Variants in SLC15A1 observed in about 807,000 individuals in gnomAD.
SLC15A1 encodes the protein solute carrier family 15 member 1.
In SLC15A1, 83 loss-of-function variants were observed where a neutral mutation model predicts 92.9. That is an observed-to-expected ratio of 0.89 (90% CI 0.75 to 1.07). SLC15A1 has a LOEUF of 1.07. SLC15A1 is among the 50% of genes least tolerant of loss of function. The pLI is 0.00. For synonymous variants in SLC15A1, 322 were observed against 318.2 expected, an observed-to-expected ratio of 1.01 and a Z score of -0.13; for missense variants, 857 against 880.1, an observed-to-expected ratio of 0.97 and a Z score of 0.33.
At chr13:98,692,936 G>T (rs1288814688) in intron 18 of SLC15A1, among the ~76,000 whole-genome samples, 3 of 151,710 alleles carry the variant, frequency 2.0e-5, no homozygotes, top group African/African-American at 7.3e-5. Flanking sequence ...ACAGGGTTTT[G>T]CCATATTGCT....
intron 1 of SLC15A1, among the ~76,000 whole-genome samples, chr13:98,742,324 C>T (rs192491306): frequency 6.6e-6 from 1 of 152,326 alleles, no homozygotes; most frequent in East Asian, 1.9e-4. Context: ...CTTTTCCCGC[C>T]TACATGGGTC....
chr13:98,692,920 G>A (rs1431852631), intron 18 of SLC15A1, among the ~76,000 whole-genome samples: 1 of 151,218 alleles, frequency 6.6e-6, no homozygotes, highest in East Asian at 2.0e-4. Context: ...GTCTTTTTTT[G>A]TAGGGACAGG....
chr13:98,707,001 C>G (rs2088117847), intron 15 of SLC15A1, among the ~76,000 whole-genome samples: 1 of 152,166 alleles, frequency 6.6e-6, no homozygotes, highest in African/African-American at 2.4e-5. Flanking sequence ...AAGCCCAGTC[C>G]CCAGCCCTAG....
At chr13:98,727,768 C>T (rs2088314658) in intron 1 of SLC15A1, among the ~76,000 whole-genome samples, 1 of 152,224 alleles carries the variant, frequency 6.6e-6, no homozygotes, top group Non-Finnish European at 1.5e-5. Context: ...CCGTGTCTAT[C>T]ACATACTACC....
At chr13:98,747,781 TGA>T (rs895330565) in intron 1 of SLC15A1, among the ~76,000 whole-genome samples, 3 of 152,116 alleles carry the variant, frequency 2.0e-5, no homozygotes, top group African/African-American at 7.2e-5. Flanking sequence ...CTCTGGAGGC[TGA>T]GACAGGAGAA....
intron 5 of SLC15A1, 124 bp from the exon 6 acceptor site, chr13:98,722,027 G>A (rs1207085805): frequency 1.0e-5 from 7 of 696,318 alleles, no homozygotes; most frequent in East Asian, 2.7e-5. Context: ...ACAATCTCGC[G>A]AGAAGCCAGC....
chr13:98,749,701 G>T (rs1021649628), intron 1 of SLC15A1, among the ~76,000 whole-genome samples: 1 of 152,154 alleles, frequency 6.6e-6, no homozygotes, highest in Admixed American at 6.5e-5. Flanking sequence ...GAACCACACA[G>T]ATACCTTGGC....
intron 7 of SLC15A1, among the ~76,000 whole-genome samples, chr13:98,720,039 T>A (rs146751258): frequency 6.6e-6 from 1 of 152,344 alleles, no homozygotes; most frequent in African/African-American, 2.4e-5. Context: ...ATCCTTTCTA[T>A]GGAATGCTGG....
At position 98,751,138 on chromosome 13, in the gene SLC15A1, C is replaced by G. The variant is rs139923530; in HGVS notation, c.4+1457G>C. 3.3e-5 allele frequency among the ~76,000 whole-genome samples: 5 copies of G among 152,252 alleles called. No homozygotes were observed. In the East Asian group the frequency reaches 9.6e-4, roughly 29 times the overall value. ...AATTTTTTTTTCATTTACTAACTAACCCTTGATATTGAAAAGTTAGGACTT... is the reference window on the plus strand; with the variant it reads ...AATTTTTTTTTCATTTACTAACTAAGCCTTGATATTGAAAAGTTAGGACTT... On this transcript the variant is annotated intron_variant, in intron 1 of 22. Transcript: ENST00000376503.
chr13:98,721,189 T>C (rs1163822383), intron 7 of SLC15A1: 1 of 556,490 alleles, frequency 1.8e-6, no homozygotes, highest in Non-Finnish European at 3.5e-6. Flanking sequence ...CCAAGGCACC[T>C]CTCTTGCCTC....
chr13:98,751,097 A>G (rs2088542278), intron 1 of SLC15A1, among the ~76,000 whole-genome samples: 1 of 150,004 alleles, frequency 6.7e-6, no homozygotes, highest in Non-Finnish European at 1.5e-5. Context: ...TTTTTTCCCC[A>G]TAACAACCAT....
At position 98,726,121 on chromosome 13, in the gene SLC15A1, A is replaced by G. The variant is rs1248552801; in HGVS notation, c.245+2T>C. ...GTGAACAAGAAATTTCCAGCCACTC[A>G]CTTGAACTTTCCCAGCCACGAGTCG... is the stretch of plus-strand genomic sequence containing the variant. On this transcript the variant is annotated splice_donor_variant, in intron 4 of 22. Transcript: ENST00000376503. LOFTEE classifies it high-confidence loss of function. 2 of 1,613,604 alleles carry G rather than the reference A, an allele frequency of 1.2e-6. No individual in the cohort carries two copies. Among genetic ancestry groups the G allele is most frequent in the Non-Finnish European group, 1.7e-6 (2 of 1,179,814 alleles).
chr13:98,733,947 T>C (rs2088369732), intron 1 of SLC15A1, among the ~76,000 whole-genome samples: 2 of 152,208 alleles, frequency 1.3e-5, no homozygotes, highest in African/African-American at 4.8e-5. Context: ...GAGTGAGTTC[T>C]TGTGAGATCT....
chr13:98,704,020 C>T (rs1434089492), intron 17 of SLC15A1, among the ~76,000 whole-genome samples: 10 of 152,166 alleles, frequency 6.6e-5, no homozygotes, highest in African/African-American at 9.6e-5. Flanking sequence ...TGTACACACA[C>T]GCATGCACAT....
intron 18 of SLC15A1, among the ~76,000 whole-genome samples, chr13:98,696,304 C>T (rs560381656): frequency 1.0e-4 from 14 of 139,372 alleles, no homozygotes; most frequent in Non-Finnish European, 1.4e-4. Context: ...ATCCCAGCTA[C>T]TCGGAAGGCT....
intron 7 of SLC15A1, chr13:98,721,016 C>T (rs550200817): frequency 2.4e-4 from 99 of 408,762 alleles, no homozygotes; most frequent in South Asian, 1.3e-3. Flanking sequence ...CACGCCACTG[C>T]GCTCCAGCGT....
At chr13:98,736,394 G>A (rs78630098) in intron 1 of SLC15A1, among the ~76,000 whole-genome samples, 7,618 of 152,230 alleles carry the variant, frequency 0.05, 225 homozygotes, top group African/African-American at 0.059. Flanking sequence ...AGCTCCAGAA[G>A]AAAACCTAGG....
chr13:98,736,842 C>A (rs1411462051), intron 1 of SLC15A1, among the ~76,000 whole-genome samples: 7 of 152,028 alleles, frequency 4.6e-5, no homozygotes, highest in Non-Finnish European at 1.0e-4. Flanking sequence ...GTCAGGAAAC[C>A]ACAGGTGCTG....
intron 15 of SLC15A1, 21 bp from the exon 16 acceptor site, chr13:98,706,274 T>C (rs1196442625): frequency 3.1e-6 from 5 of 1,609,394 alleles, no homozygotes; most frequent in East Asian, 4.5e-5. Context: ...TAAAAGAAAA[T>C]TGGCAGTGAG....
Sources: allele counts gnomAD v4.1 joint callset (sites outside exome capture counted in the v4.1 genomes callset), GRCh38; gene constraint gnomAD v4.1.1; transcripts MANE v1.5; gene names NCBI Gene and HGNC (gene_info 2026-07-23, HGNC 2026-07-21).